The following TACR1 variants were observed in gnomAD, a reference collection of about 807,000 sequenced individuals.
TACR1 encodes the protein substance-P receptor.
Under a neutral mutation model 35.8 loss-of-function variants are expected in TACR1, and 25 were observed. That is an observed-to-expected ratio of 0.70 (90% confidence interval 0.51 to 0.98). TACR1 has a LOEUF of 0.98. TACR1 is among the 50% of genes least tolerant of loss of function. The pLI, the probability that TACR1 is intolerant of heterozygous loss-of-function variation, is 0.00. For synonymous variants in TACR1, 195 were observed against 206.7 expected, an observed-to-expected ratio of 0.94 and a Z score of 0.48; for missense variants, 478 against 522.9, an observed-to-expected ratio of 0.91 and a Z score of 0.84.
At chr2:75,069,609 T>A (rs1672835398) in intron 2 of TACR1, among the ~76,000 whole-genome samples, 1 of 152,244 alleles carries the variant, frequency 6.6e-6, no homozygotes, top group Admixed American at 6.5e-5. Flanking sequence ...ACATTAAGTT[T>A]ACTTGCCATG....
intron 1 of TACR1, among the ~76,000 whole-genome samples, chr2:75,136,976 G>A (rs955952749): frequency 1.1e-4 from 16 of 152,156 alleles, no homozygotes; most frequent in Non-Finnish European, 5.9e-5. Context: ...ATCAGATGAC[G>A]ATATTCTAAT....
chr2:75,083,049 A>G (rs1444261427), intron 2 of TACR1, among the ~76,000 whole-genome samples: 1 of 148,574 alleles, frequency 6.7e-6, no homozygotes. Flanking sequence ...TAGGGTTTTT[A>G]TGGTTTTAGG....
At chr2:75,110,533 C>T (rs1009958863) in intron 2 of TACR1, among the ~76,000 whole-genome samples, 1 of 151,828 alleles carries the variant, frequency 6.6e-6, no homozygotes, top group East Asian at 1.9e-4. Context: ...TCCATAAGTG[C>T]ATGAATATAC....
intron 2 of TACR1, among the ~76,000 whole-genome samples, chr2:75,090,426 G>A (rs1673286267): frequency 6.6e-6 from 1 of 152,108 alleles, no homozygotes; most frequent in South Asian, 2.1e-4. Flanking sequence ...TTCACAGCCT[G>A]TTCTCTCTGA....
In TACR1 at chr2:75,165,919, C is replaced by G. The variant is rs59313653; in HGVS notation, c.389+32627G>C. Among the ~76,000 whole-genome samples, 768 of 152,274 alleles carry G rather than the reference C, an allele frequency of 5.0e-3. 13 individuals carry two copies. Among genetic ancestry groups the G allele is most frequent in the African/African-American group, 0.018 (737 of 41,538 alleles). On this transcript the variant is annotated intron_variant, in intron 1 of 4. Transcript: ENST00000305249. Reference sequence around the variant, plus strand: ...CAAGCCTTTTGGAATGACTTTTTAACAAGAAAAGCCCCATACTTTAATGGG... The same window carrying G: ...CAAGCCTTTTGGAATGACTTTTTAAGAAGAAAAGCCCCATACTTTAATGGG...
chr2:75,080,670 A>G (rs1469568205), intron 2 of TACR1, among the ~76,000 whole-genome samples: 1 of 152,234 alleles, frequency 6.6e-6, no homozygotes. Flanking sequence ...GAGCTTAAAT[A>G]AGTCTTTTAT....
chr2:75,196,575 G>A (rs944306066), intron 1 of TACR1, among the ~76,000 whole-genome samples: 1 of 152,092 alleles, frequency 6.6e-6, no homozygotes, highest in Non-Finnish European at 1.5e-5. Context: ...GGGGCTCTGC[G>A]GTGGTTTACC....
chr2:75,081,493 A>G (rs143821071), intron 2 of TACR1, among the ~76,000 whole-genome samples: 1 of 152,324 alleles, frequency 6.6e-6, no homozygotes, highest in East Asian at 1.9e-4. Flanking sequence ...CCAAGGGTGG[A>G]CCATCCTGCT....
intron 1 of TACR1, among the ~76,000 whole-genome samples, chr2:75,134,960 T>C (rs1370925614): frequency 6.6e-6 from 1 of 152,160 alleles, no homozygotes; most frequent in Non-Finnish European, 1.5e-5. Flanking sequence ...AATTCTAGCT[T>C]TCAAAGGAAT....
chr2:75,192,607 A>G (rs894312237), intron 1 of TACR1, among the ~76,000 whole-genome samples: 6 of 152,152 alleles, frequency 3.9e-5, no homozygotes, highest in South Asian at 2.1e-4. Context: ...TCTGCCTCCA[A>G]TGACAGTTTT....
chr2:75,109,499 G>C (rs1673710747), intron 2 of TACR1, among the ~76,000 whole-genome samples: 1 of 152,206 alleles, frequency 6.6e-6, no homozygotes. Context: ...GATGTTTGCT[G>C]AAGCTAATGT....
intron 1 of TACR1, chr2:75,154,450 A>ACACACACACACACTCT (rs1362786009): frequency 1.1e-5 from 1 of 89,126 alleles, no homozygotes; most frequent in Non-Finnish European, 2.4e-5. Flanking sequence ...ACACACACAC[A>ACACACACACACACTCT]CTCTGAAGAA....
At chr2:75,085,167 G>A (rs775885371) in intron 2 of TACR1, among the ~76,000 whole-genome samples, 3 of 152,074 alleles carry the variant, frequency 2.0e-5, no homozygotes, top group East Asian at 3.9e-4. Context: ...TTCTTAAGCC[G>A]ATGCATCACC....
chr2:75,064,220 C>G (rs1266978423), intron 2 of TACR1, among the ~76,000 whole-genome samples: 1 of 152,208 alleles, frequency 6.6e-6, no homozygotes. Flanking sequence ...CCACACTCCT[C>G]CTCCCTTCAG....
At chr2:75,096,591 G>A (rs1007718521) in intron 2 of TACR1, among the ~76,000 whole-genome samples, 2 of 152,158 alleles carry the variant, frequency 1.3e-5, no homozygotes, top group African/African-American at 2.4e-5. Context: ...ATGTGTAAAC[G>A]ACACTTTGGT....
intron 2 of TACR1, among the ~76,000 whole-genome samples, chr2:75,109,102 GA>G (rs1460602822): frequency 9.9e-5 from 15 of 152,188 alleles, no homozygotes; most frequent in Admixed American, 8.5e-4. Flanking sequence ...CTGCAGTGCT[GA>G]AGGCTGCAGG....
At chr2:75,136,794 A>G (rs1674301698) in intron 1 of TACR1, among the ~76,000 whole-genome samples, 1 of 152,232 alleles carries the variant, frequency 6.6e-6, no homozygotes, top group African/African-American at 2.4e-5. Context: ...CCAAACAGAC[A>G]TTTAGGCACA....
chr2:75,117,603 C>G (rs1228753706), intron 2 of TACR1, among the ~76,000 whole-genome samples: 1 of 152,152 alleles, frequency 6.6e-6, no homozygotes, highest in African/African-American at 2.4e-5. Context: ...TACAGCTGCT[C>G]CTCGACTTAC....
At chr2:75,063,112 C>G (rs556806658) in intron 2 of TACR1, among the ~76,000 whole-genome samples, 3 of 152,174 alleles carry the variant, frequency 2.0e-5, no homozygotes, top group Non-Finnish European at 4.4e-5. Context: ...CTCACTATCA[C>G]GAGAACAGCA....
Sources: gnomAD v4.1 joint callset for allele counts (sites outside exome capture counted in the v4.1 genomes callset) on GRCh38, gnomAD v4.1.1 for gene constraint, MANE v1.5 for transcripts, NCBI Gene and HGNC (gene_info 2026-07-23, HGNC 2026-07-21) for gene names.